LYRM4: variants seen among roughly 807,000 people sequenced by gnomAD.
LYRM4 encodes the protein LYR motif-containing protein 4.
A neutral mutation model predicts 11.7 loss-of-function variants in LYRM4; 9 were observed. The observed-to-expected ratio is 0.77, with a 90% confidence interval of 0.46 to 1.34. LYRM4 has a LOEUF of 1.34. LYRM4 is among the 40% of genes most tolerant of loss of function. The pLI is 0.00. For missense variants in LYRM4, 133 were observed against 112.5 expected, an observed-to-expected ratio of 1.18 and a Z score of -0.82; for synonymous variants, 42 against 40.4, an observed-to-expected ratio of 1.04 and a Z score of -0.15.
intron 2 of LYRM4, among the ~76,000 whole-genome samples, chr6:5,200,848 G>A (rs896425343): frequency 1.5e-5 from 2 of 129,416 alleles, no homozygotes; most frequent in African/African-American, 5.1e-5. Flanking sequence ...TGGTTCTGAC[G>A]TACAGTCAGG....
chr6:5,227,588 G>A (rs1762967225), intron 1 of LYRM4, among the ~76,000 whole-genome samples: 1 of 152,100 alleles, frequency 6.6e-6, no homozygotes, highest in Non-Finnish European at 1.5e-5. Context: ...ATTCCTCAAG[G>A]ATCTAGAACC....
the LYRM4 span, chr6:5,085,220 C>A: frequency 1.3e-5 from 6 of 446,016 alleles, no homozygotes; most frequent in Admixed American, 8.5e-5. Context: ...GGCCCTCCCC[C>A]GTCGCGGGCA....
At chr6:5,250,170 A>AT (rs1764364921) in intron 1 of LYRM4, among the ~76,000 whole-genome samples, 1 of 151,830 alleles carries the variant, frequency 6.6e-6, no homozygotes, top group Non-Finnish European at 1.5e-5. Context: ...CTCCCTCATT[A>AT]TTTTTTAATT....
intron 1 of LYRM4, among the ~76,000 whole-genome samples, chr6:5,230,426 T>C (rs1306279474): frequency 6.6e-6 from 1 of 152,194 alleles, no homozygotes; most frequent in African/African-American, 2.4e-5. Flanking sequence ...TGGCTTCTTT[T>C]TTCCCCCCAC....
Position 5,135,825 on chromosome 6 carries a change from T to C in LYRM4, c.208-26334A>G, listed in dbSNP as rs149533648. Among the ~76,000 whole-genome samples the C allele has an allele frequency of 1.4e-3, 210 of 152,294 alleles. 1 individual carries two copies. Among genetic ancestry groups the C allele is most frequent in the African/African-American group, 4.9e-3 (202 of 41,526 alleles). The stretch of plus-strand genomic sequence containing the variant: ...CTCTGTGGCATTAAGTACATTCACA[T>C]TGTTGTACAACCATCAACAGCATCC... On this transcript the variant is annotated intron_variant, in intron 2 of 2. Transcript: ENST00000330636.
intron 2 of LYRM4, among the ~76,000 whole-genome samples, chr6:5,133,358 G>A (rs1209408529): frequency 6.6e-6 from 1 of 152,212 alleles, no homozygotes; most frequent in Non-Finnish European, 1.5e-5. Flanking sequence ...GAGTGCAAAA[G>A]ACATAGTTAT....
chr6:5,035,471 G>A, the LYRM4 span, among the ~76,000 whole-genome samples: 2 of 148,426 alleles, frequency 1.3e-5, no homozygotes, highest in African/African-American at 5.0e-5. Flanking sequence ...TCGCAGCAGC[G>A]GGATCCGTCA....
chr6:5,114,080 G>A (rs893986092), intron 2 of LYRM4, among the ~76,000 whole-genome samples: 4 of 152,192 alleles, frequency 2.6e-5, no homozygotes, highest in Non-Finnish European at 5.9e-5. Context: ...CATCATGGCT[G>A]GAGCATCTAG....
At chr6:5,209,211 A>T (rs1052277160) in intron 2 of LYRM4, among the ~76,000 whole-genome samples, 2 of 152,082 alleles carry the variant, frequency 1.3e-5, no homozygotes, top group Admixed American at 6.5e-5. Flanking sequence ...CTGCTGCCTC[A>T]GTCTCCCAAG....
intron 1 of LYRM4, among the ~76,000 whole-genome samples, chr6:5,257,360 C>A (rs1764727715): frequency 6.6e-6 from 1 of 152,288 alleles, no homozygotes; most frequent in Admixed American, 6.5e-5. Flanking sequence ...CTTGGGAGGC[C>A]TTCTAGATTC....
At chr6:5,184,541 C>T (rs1482500916) in intron 2 of LYRM4, among the ~76,000 whole-genome samples, 3 of 152,152 alleles carry the variant, frequency 2.0e-5, no homozygotes, top group African/African-American at 7.2e-5. Flanking sequence ...AAAGGGCAAT[C>T]TTATTAACAT....
At chr6:5,142,023 CGGG>C (rs368251009) in intron 2 of LYRM4, among the ~76,000 whole-genome samples, 22 of 152,076 alleles carry the variant, frequency 1.4e-4, no homozygotes, top group African/African-American at 5.3e-4. Flanking sequence ...GTGCATGTGT[CGGG>C]GGGGATGCGG....
chr6:5,056,552 C>T, the LYRM4 span, among the ~76,000 whole-genome samples: 2 of 152,188 alleles, frequency 1.3e-5, no homozygotes, highest in African/African-American at 4.8e-5. Flanking sequence ...ATATGGTTCA[C>T]TGAAAAATGC....
the LYRM4 span, among the ~76,000 whole-genome samples, chr6:5,062,610 A>C: frequency 6.6e-6 from 1 of 152,168 alleles, no homozygotes; most frequent in Non-Finnish European, 1.5e-5. Flanking sequence ...GCATGGCAGG[A>C]AGGATTAGAA....
chr6:5,091,492 C>G, the LYRM4 span, among the ~76,000 whole-genome samples: 1 of 152,226 alleles, frequency 6.6e-6, no homozygotes, highest in Non-Finnish European at 1.5e-5. Context: ...AATACCGTAA[C>G]TTCAGGCGCA....
intron 1 of LYRM4, among the ~76,000 whole-genome samples, chr6:5,248,428 T>A (rs1764288134): frequency 6.6e-6 from 1 of 152,244 alleles, no homozygotes; most frequent in African/African-American, 2.4e-5. Context: ...AACACCTGAA[T>A]GGCTTTTCAA....
chr6:5,057,377 G>C, the LYRM4 span, among the ~76,000 whole-genome samples: 1 of 152,124 alleles, frequency 6.6e-6, no homozygotes, highest in African/African-American at 2.4e-5. Flanking sequence ...GGACAAAAGA[G>C]ACCAGGACGG....
chr6:5,190,965 T>C (rs1486367837), intron 2 of LYRM4, among the ~76,000 whole-genome samples: 2 of 152,208 alleles, frequency 1.3e-5, no homozygotes, highest in Non-Finnish European at 2.9e-5. Context: ...AAAGGCATTG[T>C]ATTAAAAACT....
the LYRM4 span, chr6:5,086,362 A>G: frequency 6.5e-7 from 1 of 1,536,022 alleles, no homozygotes. Context: ...GGATGCCAAG[A>G]AAGAGCCAGG....
Sources: allele counts gnomAD v4.1 joint callset (sites outside exome capture counted in the v4.1 genomes callset), GRCh38; gene constraint gnomAD v4.1.1; transcripts MANE v1.5; gene names NCBI Gene and HGNC (gene_info 2026-07-23, HGNC 2026-07-21).